FOXP2: variants seen among roughly 807,000 people sequenced by gnomAD.
The protein encoded by FOXP2 is forkhead box P2.
In FOXP2, 12 loss-of-function variants were observed where a neutral mutation model predicts 115.8. The observed-to-expected ratio is 0.10, with a 90% CI of 0.07 to 0.17. FOXP2 has a LOEUF of 0.17. Ranked by LOEUF, FOXP2 falls within the 10% of genes least tolerant of loss-of-function variation. FOXP2 has a pLI of 1.00. For synonymous variants in FOXP2, 328 were observed against 297.7 expected (o/e 1.10, Z -1.05); for missense variants, 629 against 843.5 (o/e 0.75, Z 3.15).
chr7:114,157,233 A>G (rs960586498), intron 1 of FOXP2, among the ~76,000 whole-genome samples: 1 of 152,170 alleles, frequency 6.6e-6, no homozygotes, highest in Non-Finnish European at 1.5e-5. Flanking sequence ...TTTAAATTAA[A>G]TGTTAGAAAT....
chr7:114,626,468 G>A (rs1302240006), intron 3 of FOXP2, among the ~76,000 whole-genome samples: 1 of 151,612 alleles, frequency 6.6e-6, no homozygotes, highest in Non-Finnish European at 1.5e-5. Flanking sequence ...GAAAAAATAA[G>A]GAGCGGTTAT....
chr7:114,330,036 T>C, intron 2 of FOXP2, among the ~76,000 whole-genome samples: 1 of 152,186 alleles, frequency 6.6e-6, no homozygotes, highest in East Asian at 1.9e-4. Context: ...TCATTTTCAG[T>C]TTACCTAATT....
intron 3 of FOXP2, among the ~76,000 whole-genome samples, chr7:114,581,375 G>C (rs1198572832): frequency 6.6e-6 from 1 of 151,756 alleles, no homozygotes; most frequent in Non-Finnish European, 1.5e-5. Context: ...GTAGAGATGG[G>C]GTTTCACCAT....
At chr7:114,407,785 G>T (rs1035410354) in intron 2 of FOXP2, among the ~76,000 whole-genome samples, 6 of 152,086 alleles carry the variant, frequency 3.9e-5, no homozygotes, top group African/African-American at 1.4e-4. Flanking sequence ...ATGGGTGCAT[G>T]CTTAGGAATT....
At chr7:114,429,338 A>C (rs970246768) in intron 2 of FOXP2, among the ~76,000 whole-genome samples, 1 of 151,436 alleles carries the variant, frequency 6.6e-6, no homozygotes, top group African/African-American at 2.4e-5. Flanking sequence ...TGGTAGCCAC[A>C]TCTCTGTTAG....
intron 1 of FOXP2, among the ~76,000 whole-genome samples, chr7:114,103,575 G>A (rs1791040636): frequency 6.6e-6 from 1 of 151,926 alleles, no homozygotes; most frequent in Non-Finnish European, 1.5e-5. Flanking sequence ...CTGAAAATGA[G>A]GATTGGAAAG....
intron 2 of FOXP2, among the ~76,000 whole-genome samples, chr7:114,344,403 G>A (rs1469935303): frequency 6.6e-6 from 1 of 151,800 alleles, no homozygotes; most frequent in Non-Finnish European, 1.5e-5. Flanking sequence ...TTAGCAAGAA[G>A]ACGATTCCCC....
intron 2 of FOXP2, among the ~76,000 whole-genome samples, chr7:114,361,063 C>A (rs1451210895): frequency 6.6e-6 from 1 of 152,102 alleles, no homozygotes; most frequent in Non-Finnish European, 1.5e-5. Context: ...ACTGCCCTAC[C>A]TTTCTTTCTC....
At chr7:114,682,731 G>T (rs1017112532) in intron 16 of FOXP2, among the ~76,000 whole-genome samples, 2 of 152,080 alleles carry the variant, frequency 1.3e-5, no homozygotes, top group Non-Finnish European at 2.9e-5. Flanking sequence ...CCCACAAAAG[G>T]CATGTGACTT....
At chr7:114,563,471 A>G (rs1170820932) in intron 3 of FOXP2, among the ~76,000 whole-genome samples, 2 of 151,926 alleles carry the variant, frequency 1.3e-5, no homozygotes, top group African/African-American at 4.8e-5. Context: ...ATTACTTGGG[A>G]TGTTTATTTG....
At chr7:114,394,528 A>G (rs764851989) in intron 2 of FOXP2, among the ~76,000 whole-genome samples, 1 of 152,078 alleles carries the variant, frequency 6.6e-6, no homozygotes, top group Non-Finnish European at 1.5e-5. Flanking sequence ...TAATTACAAA[A>G]GAGAAAAAAA....
intron 1 of FOXP2, among the ~76,000 whole-genome samples, chr7:114,111,544 A>C (rs568469389): frequency 1.1e-4 from 17 of 152,178 alleles, no homozygotes; most frequent in African/African-American, 3.9e-4. Flanking sequence ...ACATAAGGGA[A>C]CTTATCCAGC....
At chr7:114,492,197 G>A (rs1295939486) in intron 2 of FOXP2, among the ~76,000 whole-genome samples, 34 of 152,078 alleles carry the variant, frequency 2.2e-4, no homozygotes, top group African/African-American at 4.3e-4. Context: ...GTTTATTTGC[G>A]TAGAGGTGTT....
chr7:114,132,784 G>A (rs1791927132), intron 1 of FOXP2, among the ~76,000 whole-genome samples: 1 of 152,094 alleles, frequency 6.6e-6, no homozygotes, highest in African/African-American at 2.4e-5. Context: ...GCAACTGCAA[G>A]CAGGCCAGTA....
intron 4 of FOXP2, 107 bp downstream of exon 4, chr7:114,628,784 C>A (rs1804733438): frequency 1.2e-5 from 16 of 1,357,022 alleles, no homozygotes; most frequent in Non-Finnish European, 1.7e-5. Context: ...TTTGAAAGGA[C>A]AACCTATTAG....
rs541121098 is a variant in FOXP2, at chr7:114,332,809, A to T, written c.-11+44700A>T. 2.6e-5 allele frequency among the ~76,000 whole-genome samples: 4 copies of T among 152,312 alleles called. No individual in the cohort carries two copies. In the South Asian group the frequency reaches 8.3e-4, roughly 32 times the overall value. The stretch of plus-strand genomic sequence containing the variant: ...AGGAATAAGTTTAAAAGAGTTGGTG[A>T]TGCTGGCTCTGCTTCTACCACGGAA... On this transcript the variant is annotated intron_variant, in intron 2 of 17. Transcript: ENST00000634411.
At chr7:114,278,025 T>C (rs1295805304) in intron 1 of FOXP2, among the ~76,000 whole-genome samples, 1 of 76,206 alleles carries the variant, frequency 1.3e-5, no homozygotes, top group Non-Finnish European at 2.4e-5. Context: ...AGACCTTGTC[T>C]AAAAAAAAAA....
chr7:114,549,181 A>G (rs899347941), intron 3 of FOXP2, among the ~76,000 whole-genome samples: 2 of 152,190 alleles, frequency 1.3e-5, no homozygotes, highest in African/African-American at 4.8e-5. Context: ...CGATCCAGAT[A>G]CTTTGCCCCA....
chr7:114,087,360 C>T (rs1012740834), upstream of FOXP2, among the ~76,000 whole-genome samples: 4 of 152,060 alleles, frequency 2.6e-5, no homozygotes, highest in Non-Finnish European at 4.4e-5. Flanking sequence ...CGCGTTAGCA[C>T]GACCGGCTTC....
Sources: allele counts gnomAD v4.1 joint callset (sites outside exome capture counted in the v4.1 genomes callset), GRCh38; gene constraint gnomAD v4.1.1; transcripts MANE v1.5; gene names NCBI Gene and HGNC (gene_info 2026-07-23, HGNC 2026-07-21).